Variants in TMEM232 observed in about 807,000 individuals in gnomAD.
TMEM232 encodes the protein transmembrane protein 232.
In TMEM232, 80 loss-of-function variants were observed where a neutral mutation model predicts 78.8. The observed-to-expected ratio is 1.01, with a 90% CI of 0.85 to 1.22. TMEM232 has a LOEUF of 1.22. TMEM232 is among the 50% of genes most tolerant of loss of function. The pLI, the probability that TMEM232 is intolerant of heterozygous loss-of-function variation, is 0.00. For missense variants in TMEM232, 881 were observed against 742.2 expected (o/e 1.19, Z -2.17); for synonymous variants, 297 against 254.3 (o/e 1.17, Z -1.60).
downstream of TMEM232, among the ~76,000 whole-genome samples, chr5:110,419,463 G>C (rs549710021): frequency 6.6e-5 from 10 of 152,196 alleles, no homozygotes; most frequent in African/African-American, 1.9e-4. Context: ...TTCTTAACTT[G>C]AAAATATGCT....
intron 10 of TMEM232, among the ~76,000 whole-genome samples, chr5:110,579,226 G>T (rs1581278942): frequency 6.6e-6 from 1 of 150,748 alleles, no homozygotes; most frequent in Admixed American, 6.6e-5. Flanking sequence ...AAAAAAATCT[G>T]CCAGGAAGAT....
intron 12 of TMEM232, among the ~76,000 whole-genome samples, chr5:110,447,637 A>G (rs1759812553): frequency 1.3e-5 from 2 of 152,176 alleles, no homozygotes; most frequent in Non-Finnish European, 2.9e-5. Context: ...AAGGTACAGA[A>G]AATTACTTGG....
chr5:110,445,592 T>G (rs141201476), intron 12 of TMEM232, among the ~76,000 whole-genome samples: 1 of 151,858 alleles, frequency 6.6e-6, no homozygotes, highest in Non-Finnish European at 1.5e-5. Context: ...AATTAACAAC[T>G]TAAAACAAAA....
At chr5:110,681,485 TTAAG>T (rs1205644567) in intron 1 of TMEM232, among the ~76,000 whole-genome samples, 2 of 152,276 alleles carry the variant, frequency 1.3e-5, no homozygotes, top group South Asian at 2.1e-4. Context: ...TGCCTGAGGA[TTAAG>T]TAAGATAAAA....
chr5:110,552,204 G>T lies in TMEM232; in HGVS notation c.1455+16243C>A, dbSNP rs549885090. On this transcript the variant is annotated intron_variant, in intron 11 of 13. Transcript: ENST00000455884. ...GTAAGTGGTAAAAGTAATAATTTAG[G>T]TTAGCCTCTAATAAATTAAGGAGGC... is the stretch of plus-strand genomic sequence containing the variant. Among the ~76,000 whole-genome samples, 4 of 152,034 alleles carry T rather than the reference G, an allele frequency of 2.6e-5. No individual in the cohort carries two copies. The East Asian group carries it at 7.7e-4, about 29-fold the overall frequency.
At chr5:110,561,478 CAT>C (rs1296334289) in intron 11 of TMEM232, among the ~76,000 whole-genome samples, 1 of 151,406 alleles carries the variant, frequency 6.6e-6, no homozygotes, top group Non-Finnish European at 1.5e-5. Flanking sequence ...TATCAGATGA[CAT>C]ACAGTAAATA....
At chr5:110,522,118 A>T (rs1441276518) in intron 12 of TMEM232, among the ~76,000 whole-genome samples, 1 of 152,124 alleles carries the variant, frequency 6.6e-6, no homozygotes, top group Non-Finnish European at 1.5e-5. Context: ...TGTAGTTTTC[A>T]ATCTAGAAGT....
Position 110,420,434 on chromosome 5 carries a change from G to T in TMEM232, c.*146C>A. The T allele has an allele frequency of 1.9e-6, 1 of 533,444 alleles. No individual in the cohort carries two copies. Among genetic ancestry groups the T allele is most frequent in the Non-Finnish European group, 3.1e-6 (1 of 324,952 alleles). 33.0% of individuals were successfully genotyped at this position (533,444 alleles called of 1,614,324 possible). A position where few individuals can be genotyped will look rare whatever the true frequency, so the allele number is the denominator to read the frequency against. ...GAAATAACTATTAAACAAACAGCTT[G>T]TATCAGGAAAACAAATTCTTTCTAA... On this transcript the variant is annotated 3_prime_UTR_variant, in exon 14 of 14. Transcript: ENST00000455884.
At chr5:110,565,617 A>T (rs1451919928) in intron 11 of TMEM232, among the ~76,000 whole-genome samples, 3 of 151,980 alleles carry the variant, frequency 2.0e-5, no homozygotes, top group African/African-American at 7.2e-5. Flanking sequence ...TGGAGTTGGA[A>T]TTTAAACGGA....
At chr5:110,652,286 A>G (rs973697134) in intron 2 of TMEM232, among the ~76,000 whole-genome samples, 6 of 143,498 alleles carry the variant, frequency 4.2e-5, no homozygotes, top group East Asian at 4.0e-4. Context: ...ACAAAAGTGC[A>G]CGCGCGCGCA....
intron 12 of TMEM232, among the ~76,000 whole-genome samples, chr5:110,494,697 G>C (rs1437129084): frequency 6.6e-6 from 1 of 151,904 alleles, no homozygotes; most frequent in African/African-American, 2.4e-5. Context: ...AAGAAATCCT[G>C]AATGTCCATT....
At chr5:110,624,920 T>C (rs1201060980) in intron 7 of TMEM232, among the ~76,000 whole-genome samples, 2 of 152,238 alleles carry the variant, frequency 1.3e-5, no homozygotes, top group South Asian at 2.1e-4. Context: ...TTTCTATTTA[T>C]AAACTGTAAA....
At chr5:110,620,581 CTCTCTCTCTCT>C (rs1783519302) in intron 7 of TMEM232, among the ~76,000 whole-genome samples, 2 of 3,446 alleles carry the variant, frequency 5.8e-4, no homozygotes, top group Admixed American at 8.3e-3. Context: ...TCTCATATCT[CTCTCTCTCTCT>C]CTCTCTCTCT....
chr5:110,405,831 GAGAA>G (rs953197322), intron 2 of TMEM232, among the ~76,000 whole-genome samples: 34 of 149,870 alleles, frequency 2.3e-4, no homozygotes, highest in Middle Eastern at 6.9e-3. Flanking sequence ...AAAGAAAAAA[GAGAA>G]AGAAAAAATA....
At chr5:110,582,092 C>T (rs1778272636) in intron 10 of TMEM232, among the ~76,000 whole-genome samples, 1 of 151,960 alleles carries the variant, frequency 6.6e-6, no homozygotes, top group African/African-American at 2.4e-5. Context: ...CAGTGGAAAG[C>T]AGTTTGGAGA....
At chr5:110,570,161 C>G (rs939652323) in intron 10 of TMEM232, among the ~76,000 whole-genome samples, 1 of 151,924 alleles carries the variant, frequency 6.6e-6, no homozygotes, top group Non-Finnish European at 1.5e-5. Flanking sequence ...TAGGAAGCTA[C>G]AGTTAAGCAG....
chr5:110,736,223 T>C (rs1416496670), intron 1 of TMEM232, among the ~76,000 whole-genome samples: 1 of 152,196 alleles, frequency 6.6e-6, no homozygotes, highest in Non-Finnish European at 1.5e-5. Flanking sequence ...TAGAAATATT[T>C]TGGAGAAATA....
intron 1 of TMEM232, chr5:110,725,782 T>TA (rs370709033): frequency 5.3e-5 from 8 of 152,108 alleles, no homozygotes; most frequent in African/African-American, 1.9e-4. Flanking sequence ...AAAGTTCCAA[T>TA]AAAAATGAGG....
chr5:110,499,633 C>CT (rs147124892), intron 12 of TMEM232, among the ~76,000 whole-genome samples: 1 of 113,202 alleles, frequency 8.8e-6, no homozygotes, highest in African/African-American at 4.8e-5. Flanking sequence ...ATACACCCCC[C>CT]CCCACACACA....
Sources: gnomAD v4.1 joint callset for allele counts (sites outside exome capture counted in the v4.1 genomes callset) on GRCh38, gnomAD v4.1.1 for gene constraint, MANE v1.5 for transcripts, NCBI Gene and HGNC (gene_info 2026-07-23, HGNC 2026-07-21) for gene names.